The following TEC variants were observed in gnomAD, a reference collection of about 807,000 sequenced individuals.
TEC encodes tec protein tyrosine kinase.
TEC carries 72 observed loss-of-function variants against 93.0 expected under a neutral mutation model. The observed-to-expected ratio is 0.77, with a 90% confidence interval of 0.64 to 0.94. The LOEUF is 0.94. Ranked by LOEUF, TEC falls within the 40% of genes least tolerant of loss-of-function variation. TEC has a pLI of 0.00. For synonymous variants in TEC, 249 were observed against 247.7 expected, an observed-to-expected ratio of 1.01 and a Z score of -0.05; for missense variants, 630 against 757.9, an observed-to-expected ratio of 0.83 and a Z score of 1.98.
At chr4:48,175,589 G>A (rs1347548123) in intron 3 of TEC, among the ~76,000 whole-genome samples, 1 of 152,140 alleles carries the variant, frequency 6.6e-6, no homozygotes, top group South Asian at 2.1e-4. Flanking sequence ...GAGGAGATGC[G>A]CGTGTGTGTG....
At position 48,138,766 on chromosome 4, in the gene TEC, T is replaced by C; in HGVS notation, c.1711A>G (p.Asn571Asp). The C allele has an allele frequency of 6.2e-7, 1 of 1,614,138 alleles. No homozygotes were observed. Residue 571 changes from asparagine (N) to aspartate (D), a missense_variant, in exon 17 of 18, where the codon AAT (asparagine) becomes GAT (aspartate). By Grantham distance (23) the Asn-to-Asp change is conservative. Transcript: ENST00000381501. ...EGRMPFEKYT[N>D]YEVVTMVTRG... ...GTAACCATGGTTACCACTTCATAATTGGTGTATTTTTCAAAAGGCATTCTG... is the reference window on the plus strand; with the variant it reads ...GTAACCATGGTTACCACTTCATAATCGGTGTATTTTTCAAAAGGCATTCTG...
intron 1 of TEC, among the ~76,000 whole-genome samples, chr4:48,234,081 T>A (rs1379370265): frequency 6.6e-6 from 1 of 152,176 alleles, no homozygotes; most frequent in Non-Finnish European, 1.5e-5. Flanking sequence ...TAAGTTTCAT[T>A]GAAAGCATCA....
intron 8 of TEC, among the ~76,000 whole-genome samples, chr4:48,158,634 G>C (rs760058071): frequency 1.1e-4 from 16 of 152,162 alleles, no homozygotes; most frequent in Non-Finnish European, 2.1e-4. Context: ...AGAAGATCCA[G>C]TCCATCTTCA....
chr4:48,239,981 A>AGTGTGTGT (rs5858109), intron 1 of TEC, among the ~76,000 whole-genome samples: 4,876 of 149,554 alleles, frequency 0.033, 218 homozygotes, highest in African/African-American at 0.098. Flanking sequence ...TTGCTCTGTG[A>AGTGTGTGT]GTGTGTGTGT....
chr4:48,179,338 G>GTATATATATA (rs61241595), intron 2 of TEC, among the ~76,000 whole-genome samples: 36 of 51,650 alleles, frequency 7.0e-4, no homozygotes, highest in South Asian at 2.4e-3. Flanking sequence ...GACGTGGGTA[G>GTATATATATA]TATATATATA....
chr4:48,165,066 A>G (rs1219452629), intron 7 of TEC, among the ~76,000 whole-genome samples: 1 of 152,230 alleles, frequency 6.6e-6, no homozygotes, highest in Non-Finnish European at 1.5e-5. Context: ...AAGTTTGGCC[A>G]GAAAAATAAA....
At chr4:48,137,721 A>G (rs1719487830) in intron 17 of TEC, among the ~76,000 whole-genome samples, 1 of 152,106 alleles carries the variant, frequency 6.6e-6, no homozygotes, top group South Asian at 2.1e-4. Context: ...GTCTCTCTTC[A>G]AGACCCTGAT....
chr4:48,162,831 G>T (rs16861079), intron 8 of TEC, among the ~76,000 whole-genome samples: 54 of 152,194 alleles, frequency 3.5e-4, no homozygotes, highest in African/African-American at 1.3e-3. Context: ...ATAAAAGAGC[G>T]TTCAATGTAT....
At chr4:48,190,171 G>A (rs1175185670) in intron 2 of TEC, among the ~76,000 whole-genome samples, 2 of 152,134 alleles carry the variant, frequency 1.3e-5, no homozygotes, top group Non-Finnish European at 2.9e-5. Context: ...GTTCAATACT[G>A]TCTGAAATGC....
At chr4:48,244,013 CCTGGG>C (rs1723992190) in intron 1 of TEC, among the ~76,000 whole-genome samples, 1 of 150,170 alleles carries the variant, frequency 6.7e-6, no homozygotes, top group Non-Finnish European at 1.5e-5. Flanking sequence ...AAAGGTGATG[CCTGGG>C]CTGGGCTAAA....
At chr4:48,164,965 T>G (rs1363412500) in intron 7 of TEC, among the ~76,000 whole-genome samples, 1 of 151,814 alleles carries the variant, frequency 6.6e-6, no homozygotes. Context: ...ATCACGCCAC[T>G]GCACTCCAGC....
intron 9 of TEC, among the ~76,000 whole-genome samples, chr4:48,155,482 G>A (rs1004151804): frequency 3.3e-5 from 5 of 152,142 alleles, no homozygotes; most frequent in Admixed American, 1.3e-4. Flanking sequence ...TCTACTAGAC[G>A]GGCATTTACT....
intron 8 of TEC, among the ~76,000 whole-genome samples, chr4:48,161,598 C>CT (rs34780131): frequency 0.016 from 2,101 of 130,070 alleles, 26 homozygotes; most frequent in Non-Finnish European, 0.025. Flanking sequence ...CTGCCAGAGG[C>CT]TTTTTTTTTT....
At chr4:48,259,712 T>C (rs1276057215) in intron 1 of TEC, among the ~76,000 whole-genome samples, 2 of 104,442 alleles carry the variant, frequency 1.9e-5, no homozygotes, top group Non-Finnish European at 4.4e-5. Context: ...TGAGACTTTG[T>C]CTCAAAAAAA....
At position 48,145,446 on chromosome 4, in the gene TEC, C is replaced by T. The variant is rs1719865272; in HGVS notation, c.1215G>A (p.Met405Ile). 1 of 1,614,198 alleles carries T rather than the reference C, an allele frequency of 6.2e-7. No individual in the cohort carries two copies. The highest frequency in any genetic ancestry group is 8.5e-7 in the Non-Finnish European group (1 of 1,180,040). ...VAIKAIREGA[M>I]CEEDFIEEAK... Reference sequence around the variant, plus strand: ...CTTCTTCTATAAAGTCCTCCTCGCACATTGCACCTTCCCGAATAGCTTTGA... The same window carrying T: ...CTTCTTCTATAAAGTCCTCCTCGCATATTGCACCTTCCCGAATAGCTTTGA... The change falls in exon 13 of 18, where the codon ATG (methionine) becomes ATA (isoleucine). Residue 405 changes from methionine (M) to isoleucine (I), a missense_variant. Physicochemically the swap from Met to Ile is conservative, Grantham distance 10 (BLOSUM62 1). This residue lies in a region of TEC where 289 missense variants were observed against 390.0 expected (regional missense o/e 0.74). Transcript: ENST00000381501.
At chr4:48,212,038 A>T (rs893296760) in intron 2 of TEC, among the ~76,000 whole-genome samples, 4 of 149,648 alleles carry the variant, frequency 2.7e-5, no homozygotes, top group African/African-American at 9.8e-5. Flanking sequence ...GGCGGAGGCT[A>T]CAGCAAGCAG....
At chr4:48,243,700 G>A (rs1166464780) in intron 1 of TEC, among the ~76,000 whole-genome samples, 1 of 152,142 alleles carries the variant, frequency 6.6e-6, no homozygotes, top group African/African-American at 2.4e-5. Flanking sequence ...ACCACAGATG[G>A]TTACAAGCTT....
At chr4:48,188,879 G>A (rs1721992404) in intron 2 of TEC, among the ~76,000 whole-genome samples, 1 of 152,160 alleles carries the variant, frequency 6.6e-6, no homozygotes, top group African/African-American at 2.4e-5. Flanking sequence ...GTGCATGTGT[G>A]TGTGTGTGTG....
intron 1 of TEC, among the ~76,000 whole-genome samples, chr4:48,252,368 TGA>T (rs1313132384): frequency 6.6e-6 from 1 of 152,256 alleles, no homozygotes; most frequent in Non-Finnish European, 1.5e-5. Context: ...AGTATCTCAC[TGA>T]GTCTGTTGAG....
Sources: allele counts gnomAD v4.1 joint callset (sites outside exome capture counted in the v4.1 genomes callset), GRCh38; gene constraint gnomAD v4.1.1; regional missense constraint gnomAD v4.1.1; transcripts MANE v1.5; gene names NCBI Gene and HGNC (gene_info 2026-07-23, HGNC 2026-07-21).